Variants in ARID1A observed in about 807,000 individuals in gnomAD.
ARID1A encodes AT-rich interaction domain 1A.
In ARID1A, 20 loss-of-function variants were observed where a neutral mutation model predicts 212.6. The ratio of observed to expected loss-of-function variants is 0.09; its 90% CI spans 0.07 to 0.14. ARID1A has a LOEUF of 0.14. ARID1A is among the 10% of genes least tolerant of loss of function. The pLI is 1.00. For synonymous variants in ARID1A, 1,376 were observed against 1,222.1 expected (o/e 1.13, Z -2.63); for missense variants, 2,587 against 3,059.0 (o/e 0.85, Z 3.64).
At chr1:26,714,820 A>G (rs2080486590) in intron 1 of ARID1A, among the ~76,000 whole-genome samples, 1 of 152,160 alleles carries the variant, frequency 6.6e-6, no homozygotes, top group African/African-American at 2.4e-5. Flanking sequence ...AAAGACTGGT[A>G]TTTTGGGGAA....
At chr1:26,742,595 A>C (rs1306307069) in intron 4 of ARID1A, among the ~76,000 whole-genome samples, 1 of 152,206 alleles carries the variant, frequency 6.6e-6, no homozygotes, top group Non-Finnish European at 1.5e-5. Context: ...AACTGTTAAT[A>C]AGATCTCTAA....
At chr1:26,723,738 G>A (rs1452412740) in intron 1 of ARID1A, among the ~76,000 whole-genome samples, 1 of 152,032 alleles carries the variant, frequency 6.6e-6, no homozygotes, top group Admixed American at 6.6e-5. Flanking sequence ...ACTGTACTGG[G>A]ACTCAGCAAG....
In ARID1A at chr1:26,771,694, G is replaced by A. The variant is rs577815385; in HGVS notation, c.3406+368G>A. ...GCACCTTAGAATGCAGCTCAGACTA[G>A]AGCCCTGAATTCCCCAGGGAGCTGA... On this transcript the variant is annotated intron_variant, in intron 12 of 19. Coordinates refer to ENST00000324856, the MANE Select transcript of ARID1A (RefSeq NM_006015.6). The surrounding 1 kb of genome is among the most constrained non-coding windows in gnomAD (Gnocchi z 5.4). The A allele has an allele frequency of 3.8e-6, 1 of 260,834 alleles. No individual in the cohort carries two copies. The highest frequency in any genetic ancestry group is 2.2e-5 in the African/African-American group (1 of 44,698). The allele number at this position is 260,834 out of a possible 1,614,324, so 16.2% of individuals were successfully genotyped here.
intron 19 of ARID1A, chr1:26,778,090 C>G (rs1557618832): frequency 7.1e-6 from 1 of 141,472 alleles, no homozygotes; most frequent in Admixed American, 7.1e-5. Flanking sequence ...AAAAAAAATA[C>G]ACACACACAC....
intron 4 of ARID1A, among the ~76,000 whole-genome samples, chr1:26,738,876 G>GT (rs35110787): frequency 0.13 from 15,515 of 116,604 alleles, 1,398 homozygotes; most frequent in African/African-American, 0.25. Context: ...CTTTTCTTTT[G>GT]TTTTTTTTTT....
intron 1 of ARID1A, among the ~76,000 whole-genome samples, chr1:26,712,256 C>T (rs985743929): frequency 6.6e-6 from 1 of 152,134 alleles, no homozygotes; most frequent in African/African-American, 2.4e-5. Flanking sequence ...GAGAACAGGG[C>T]GTTGGGTGAT....
At chr1:26,732,628 T>A in intron 3 of ARID1A, 48 bp from the exon 4 acceptor site, 1 of 1,453,326 alleles carries the variant, frequency 6.9e-7, no homozygotes, top group Non-Finnish European at 9.7e-7. Context: ...TAAGCCTGCC[T>A]GGTTTATCAA....
At position 26,696,427 on chromosome 1, in the gene ARID1A, C is replaced by A. The variant is rs1339353653; in HGVS notation, c.24C>A (p.Ala8=). MAAQVAP[A]AASSLGNPPP... ...TCATGGCCGCGCAGGTCGCCCCCGCCGCCGCCAGCAGCCTGGGCAACCCGC... is the reference window on the plus strand; with the variant it reads ...TCATGGCCGCGCAGGTCGCCCCCGCAGCCGCCAGCAGCCTGGGCAACCCGC... The change falls in exon 1 of 20, where the codon GCC becomes GCA. Residue 8 remains alanine (A), a synonymous_variant. Coordinates refer to ENST00000324856, the MANE Select transcript of ARID1A (RefSeq NM_006015.6). 3.1e-6 allele frequency: 4 copies of A among 1,288,898 alleles called. No homozygotes were observed. The highest frequency in any genetic ancestry group is 2.3e-5 in the South Asian group (1 of 43,738). 79.8% of individuals were successfully genotyped at this position (1,288,898 alleles called of 1,614,324 possible). A position where few individuals can be genotyped will look rare whatever the true frequency, so the allele number is the denominator to read the frequency against.
intron 1 of ARID1A, among the ~76,000 whole-genome samples, chr1:26,724,073 G>GGAT (rs2080593108): frequency 1.3e-5 from 2 of 151,952 alleles, no homozygotes; most frequent in Admixed American, 1.3e-4. Context: ...AAAGAGCCAG[G>GGAT]GATGCATTTT....
chr1:26,698,755 T>G (rs1047289062), intron 1 of ARID1A, among the ~76,000 whole-genome samples: 1 of 152,214 alleles, frequency 6.6e-6, no homozygotes, highest in Non-Finnish European at 1.5e-5. Context: ...TGACACTGGT[T>G]GCTTTGCAGA....
rs2081082524 is a variant in ARID1A at position 26,771,515 on chromosome 1, C to G, written c.3406+189C>G. On this transcript the variant is annotated intron_variant, in intron 12 of 19. Coordinates refer to ENST00000324856, the MANE Select transcript of ARID1A (RefSeq NM_006015.6). The surrounding 1 kb of genome is among the most constrained non-coding windows in gnomAD (Gnocchi z 5.4). Reference sequence around the variant, plus strand: ...AGTGGAAACTCCCTTGGGAGGTACTCTACGGCAGCTCTTAAGTTTTAATTT... The same window carrying G: ...AGTGGAAACTCCCTTGGGAGGTACTGTACGGCAGCTCTTAAGTTTTAATTT... The G allele has an allele frequency of 9.8e-6, 6 of 614,322 alleles. No individual in the cohort carries two copies. The South Asian group carries it at 1.1e-4, about 11-fold the overall frequency. The allele number at this position is 614,322 out of a possible 1,614,324, so 38.1% of individuals were successfully genotyped here.
chr1:26,742,276 G>A (rs982871043), intron 4 of ARID1A, among the ~76,000 whole-genome samples: 15 of 152,218 alleles, frequency 9.9e-5, no homozygotes, highest in Non-Finnish European at 1.6e-4. Context: ...GCACAGATGA[G>A]CTGTGGAAAG....
At position 26,766,514 on chromosome 1, in the gene ARID1A, C is replaced by A. The variant is rs143919216; in HGVS notation, c.2936C>A (p.Thr979Asn). ...GLGDVKLTPA[T>N]KMNNKADGTP... ...GGGGATGTAAAGTTAACTCCAGCCA[C>A]CAAAATGAACAACAAGGCAGATGGG... Residue 979 changes from threonine (T) to asparagine (N), a missense_variant, in exon 10 of 20, where the codon ACC (threonine) becomes AAC (asparagine). By Grantham distance (65) the Thr-to-Asn change is moderately conservative. Around this residue, in one of 11 missense-constraint regions of ARID1A, gnomAD observed 674 missense variants for 813.4 expected, o/e 0.83. Transcript: ENST00000324856. The A allele has an allele frequency of 2.5e-6, 4 of 1,613,990 alleles. No homozygotes were observed. Among genetic ancestry groups the A allele is most frequent in the Non-Finnish European group, 3.4e-6 (4 of 1,179,976 alleles).
In ARID1A at chr1:26,760,379, A is replaced by G. The variant is rs188134789; in HGVS notation, c.1921-477A>G. 2.3e-4 allele frequency among the ~76,000 whole-genome samples: 35 copies of G among 152,314 alleles called. No homozygotes were observed. In the East Asian group the frequency reaches 4.6e-3, roughly 20 times the overall value. On this transcript the variant is annotated intron_variant, in intron 4 of 19. Transcript: ENST00000324856. ...CACCTGGTCCTTAACAGAGTTTGCC[A>G]TATGTAAGTTATAGTATGATGACTA...
intron 2 of ARID1A, among the ~76,000 whole-genome samples, 173 bp downstream of exon 2, chr1:26,730,036 A>G (rs1182590119): frequency 6.6e-6 from 1 of 152,208 alleles, no homozygotes; most frequent in African/African-American, 2.4e-5. Flanking sequence ...GCACCGTTCC[A>G]TGTGTGCTCC....
At chr1:26,775,423 A>G (rs367909015) in intron 18 of ARID1A, among the ~76,000 whole-genome samples, 154 bp from the exon 19 acceptor site, 44 of 152,310 alleles carry the variant, frequency 2.9e-4, no homozygotes, top group Non-Finnish European at 6.0e-4. Flanking sequence ...CAGACAGCTT[A>G]GAAGCCATGA....
chr1:26,768,258 A>C (rs966082232), intron 11 of ARID1A, among the ~76,000 whole-genome samples: 7 of 152,198 alleles, frequency 4.6e-5, no homozygotes, highest in African/African-American at 1.7e-4. Context: ...AGCTAGGGAA[A>C]GTCTGTGGGC....
At chr1:26,739,999 A>G (rs1031406936) in intron 4 of ARID1A, among the ~76,000 whole-genome samples, 3 of 151,962 alleles carry the variant, frequency 2.0e-5, no homozygotes, top group Admixed American at 6.6e-5. Flanking sequence ...TAAAAAAAAA[A>G]AAAAAGAAAA....
intron 1 of ARID1A, among the ~76,000 whole-genome samples, chr1:26,705,460 C>CT (rs1249571366): frequency 1.3e-5 from 2 of 150,822 alleles, no homozygotes; most frequent in Non-Finnish European, 3.0e-5. Flanking sequence ...TTCCCCCCCC[C>CT]TCAAGTAATG....
Sources: allele counts gnomAD v4.1 joint callset (sites outside exome capture counted in the v4.1 genomes callset), GRCh38; gene constraint gnomAD v4.1.1; regional missense constraint gnomAD v4.1.1; non-coding constraint Gnocchi (gnomAD v3.1); transcripts MANE v1.5; gene names NCBI Gene and HGNC (gene_info 2026-07-23, HGNC 2026-07-21).